Variants in ARHGEF7 observed in about 807,000 individuals in gnomAD.
The protein encoded by ARHGEF7 is PAK-interacting exchange factor beta.
Under a neutral mutation model 109.8 loss-of-function variants are expected in ARHGEF7, and 33 were observed. That is an observed-to-expected ratio of 0.30 (90% CI 0.23 to 0.40). The LOEUF is 0.40. Among genes scored for constraint, ARHGEF7 ranks in the 10% least tolerant of loss-of-function variants. The pLI is 1.00. For missense variants in ARHGEF7, 938 were observed against 1,098.5 expected, an observed-to-expected ratio of 0.85 and a Z score of 2.07; for synonymous variants, 458 against 424.6, an observed-to-expected ratio of 1.08 and a Z score of -0.97.
At chr13:111,150,021 A>C (rs996608181) in intron 1 of ARHGEF7, among the ~76,000 whole-genome samples, 17 of 152,210 alleles carry the variant, frequency 1.1e-4, no homozygotes, top group African/African-American at 3.1e-4. Context: ...CTCACCCTGC[A>C]CAAGAGGAAG....
At position 111,255,671 on chromosome 13, in the gene ARHGEF7, T is replaced by C. The variant is rs2090341018; in HGVS notation, c.950+11377T>C. 6.6e-6 allele frequency among the ~76,000 whole-genome samples: 1 copy of C among 152,246 alleles called. No individual in the cohort carries two copies. The highest frequency in any genetic ancestry group is 2.4e-5 in the African/African-American group (1 of 41,454). The stretch of plus-strand genomic sequence containing the variant: ...GCTGGCTGGTGTTCGTGAAAGAAGA[T>C]CTGTTTTCAGTCACATTGGTGAGGG... On this transcript the variant is annotated intron_variant, in intron 8 of 21. Transcript: ENST00000646102. This position sits in a 1 kb window ranked among gnomAD's most constrained non-coding sequence, Gnocchi z 4.1.
chr13:111,157,780 G>A (rs1227376732), intron 2 of ARHGEF7, among the ~76,000 whole-genome samples: 38 of 152,190 alleles, frequency 2.5e-4, no homozygotes, highest in South Asian at 2.1e-4. Context: ...ACTGTAGGAT[G>A]TGTATGTGTG....
intron 3 of ARHGEF7, 25 bp downstream of exon 3, chr13:111,205,398 G>C (rs377689860): frequency 6.6e-7 from 1 of 1,521,734 alleles, no homozygotes; most frequent in South Asian, 1.3e-5. Context: ...TATTGAACTC[G>C]AGGGGGTGGG....
At position 111,209,940 on chromosome 13, in the gene ARHGEF7, C is replaced by G. The variant is rs368036359; in HGVS notation, c.406C>G (p.Leu136Val). The change falls in exon 4 of 22, where the codon CTT becomes GTT. Residue 136 changes from leucine (L) to valine (V), a missense_variant. By Grantham distance (32) the Leu-to-Val change is conservative. Coordinates refer to ENST00000646102, the MANE Select transcript of ARHGEF7 (RefSeq NM_001354046.2). ...SSHRIKSFDS[L>V]GSQSLHTRTS... ...TCACCGCATAAAGTCTTTTGACTCC[C>G]TTGGATCACAGTCTTTGCACACTCG... 3 of 1,614,196 alleles carry G rather than the reference C, an allele frequency of 1.9e-6. No homozygotes were observed. The East Asian group carries it at 6.7e-5, about 36-fold the overall frequency.
chr13:111,190,146 A>G (rs1346559447), intron 2 of ARHGEF7, among the ~76,000 whole-genome samples: 2 of 152,196 alleles, frequency 1.3e-5, no homozygotes, highest in Non-Finnish European at 2.9e-5. Context: ...TTGGGGTTCC[A>G]TTTGTAAGAC....
At chr13:111,256,908 G>A (rs1376191100) in intron 8 of ARHGEF7, among the ~76,000 whole-genome samples, 1 of 152,208 alleles carries the variant, frequency 6.6e-6, no homozygotes, top group Non-Finnish European at 1.5e-5. Flanking sequence ...CAGAAACTGG[G>A]GGTGACACCG....
Position 111,274,748 on chromosome 13 carries a change from A to T in ARHGEF7, c.1230A>T (p.Arg410Ser), listed in dbSNP as rs760471390. ...ACTCAAAGGATTATCATACAGATAG[A>T]CAAGATATTCAAAAATCCATGGCTG... ...ERHMEDYHTDRQDIQKSMAAF... is the reference protein window; with the variant it reads ...ERHMEDYHTDSQDIQKSMAAF... Residue 410 changes from arginine (R) to serine (S), a missense_variant, in exon 11 of 22, where the codon AGA becomes AGT. Transcript: ENST00000646102. 1 of 1,499,022 alleles carries T rather than the reference A, an allele frequency of 6.7e-7. No homozygotes were observed. Among genetic ancestry groups the T allele is most frequent in the South Asian group, 1.4e-5 (1 of 72,358 alleles). 92.9% of individuals were successfully genotyped at this position (1,499,022 alleles called of 1,614,324 possible).
rs1038911886 is a variant in ARHGEF7 at position 111,294,015 on chromosome 13, C to T, written c.2311+1721C>T. ...AGCTGTTAATTCCAAATATTTGTTC[C>T]CAAGTAGCTACTGAACTGCTCACAC... On this transcript the variant is annotated intron_variant, in intron 19 of 21. Coordinates refer to ENST00000646102, the MANE Select transcript of ARHGEF7 (RefSeq NM_001354046.2). 4.1e-6 allele frequency: 4 copies of T among 985,266 alleles called. No homozygotes were observed. In the African/African-American group the frequency reaches 7.0e-5, roughly 17 times the overall value. The allele number at this position is 985,266 out of a possible 1,614,324, so 61.0% of individuals were successfully genotyped here.
intron 8 of ARHGEF7, among the ~76,000 whole-genome samples, chr13:111,251,881 T>C (rs1422537844): frequency 1.3e-5 from 2 of 152,238 alleles, no homozygotes; most frequent in Non-Finnish European, 2.9e-5. Context: ...GCATTCATTC[T>C]GTTTTTGTTT....
intron 8 of ARHGEF7, among the ~76,000 whole-genome samples, chr13:111,265,861 C>T (rs999413643): frequency 5.3e-5 from 8 of 152,294 alleles, no homozygotes; most frequent in Non-Finnish European, 8.8e-5. Flanking sequence ...CTTAGGCTTC[C>T]AACCTCCAGA....
intron 2 of ARHGEF7, among the ~76,000 whole-genome samples, chr13:111,169,353 C>T (rs757946356): frequency 6.6e-6 from 1 of 152,102 alleles, no homozygotes; most frequent in Non-Finnish European, 1.5e-5. Context: ...TTGTCATCTG[C>T]CCTGTTTCTG....
intron 2 of ARHGEF7, among the ~76,000 whole-genome samples, chr13:111,170,815 G>C (rs1451830121): frequency 6.6e-6 from 1 of 152,230 alleles, no homozygotes; most frequent in African/African-American, 2.4e-5. Flanking sequence ...TGGGAGACCT[G>C]CTTGTTGGGT....
chr13:111,292,067 T>C, intron 18 of ARHGEF7, 51 bp from the exon 19 acceptor site: 1 of 1,521,746 alleles, frequency 6.6e-7, no homozygotes, highest in Non-Finnish European at 9.1e-7. Flanking sequence ...CCTGTCGTTC[T>C]CCTCCTCACC....
At chr13:111,268,986 C>T (rs2091908051) in intron 9 of ARHGEF7, among the ~76,000 whole-genome samples, 1 of 152,174 alleles carries the variant, frequency 6.6e-6, no homozygotes, top group Admixed American at 6.6e-5. Flanking sequence ...TGAAAGGAAA[C>T]AGCAGCCTTG....
chr13:111,273,500 T>C lies in ARHGEF7; in HGVS notation c.1074-314T>C, dbSNP rs140639581. On this transcript the variant is annotated intron_variant, in intron 9 of 21. Transcript: ENST00000646102. The surrounding 1 kb of genome is among the most constrained non-coding windows in gnomAD (Gnocchi z 4.5). ...CTGGCTCTGAGTGTGCATGTTTCCA[T>C]TGGATATGTCTGCATGGCACTGATG... Among the ~76,000 whole-genome samples the C allele has an allele frequency of 2.6e-5, 4 of 152,236 alleles. No homozygotes were observed. The highest frequency in any genetic ancestry group is 2.1e-4 in the South Asian group (1 of 4,832).
intron 18 of ARHGEF7, among the ~76,000 whole-genome samples, chr13:111,289,628 G>C (rs1182578026): frequency 6.6e-6 from 1 of 151,680 alleles, no homozygotes; most frequent in Non-Finnish European, 1.5e-5. Context: ...TTAATCACCT[G>C]CAGTGTGGTG....
chr13:111,142,678 A>G (rs549827536), intron 1 of ARHGEF7, among the ~76,000 whole-genome samples: 1 of 152,214 alleles, frequency 6.6e-6, no homozygotes, highest in African/African-American at 2.4e-5. Flanking sequence ...CCCAACTGCT[A>G]TTTATAGAGA....
chr13:111,280,968 G>C (rs986333033), intron 15 of ARHGEF7: 1 of 265,280 alleles, frequency 3.8e-6, no homozygotes, highest in African/African-American at 2.2e-5. Context: ...ACTGATTTAG[G>C]GGAGTTTTAC....
At chr13:111,295,805 C>G (rs1368597999) in intron 19 of ARHGEF7, among the ~76,000 whole-genome samples, 2 of 152,210 alleles carry the variant, frequency 1.3e-5, no homozygotes, top group African/African-American at 4.8e-5. Flanking sequence ...TTTTGCTCCA[C>G]TGTGAATGTT....
Sources: allele counts gnomAD v4.1 joint callset (sites outside exome capture counted in the v4.1 genomes callset), GRCh38; gene constraint gnomAD v4.1.1; non-coding constraint Gnocchi (gnomAD v3.1); transcripts MANE v1.5; gene names NCBI Gene and HGNC (gene_info 2026-07-23, HGNC 2026-07-21).